ATXN7L1: variants seen among roughly 807,000 people sequenced by gnomAD.
The protein encoded by ATXN7L1 is ataxin 7 like 1, also known as ataxin-7-like protein 1.
ATXN7L1 carries 15 observed loss-of-function variants against 70.8 expected under a neutral mutation model. That is an observed-to-expected ratio of 0.21 (90% CI 0.14 to 0.33). The LOEUF is 0.33. Among genes scored for constraint, ATXN7L1 ranks in the 10% least tolerant of loss-of-function variants. The pLI, the probability that ATXN7L1 is intolerant of heterozygous loss-of-function variation, is 1.00. For missense variants in ATXN7L1, 975 were observed against 1,097.1 expected (o/e 0.89, Z 1.57); for synonymous variants, 440 against 445.1 (o/e 0.99, Z 0.14).
At chr7:105,769,969 C>A (rs1010613560) in intron 3 of ATXN7L1, among the ~76,000 whole-genome samples, 1 of 152,174 alleles carries the variant, frequency 6.6e-6, no homozygotes, top group Non-Finnish European at 1.5e-5. Flanking sequence ...TCGTGGCATT[C>A]GGCGTAAAAC....
At chr7:105,733,525 T>TCCGTCCTTCCATCCAC (rs1563048452) in intron 3 of ATXN7L1, among the ~76,000 whole-genome samples, 4 of 114,294 alleles carry the variant, frequency 3.5e-5, no homozygotes, top group African/African-American at 1.5e-4. Flanking sequence ...CACCCATCCA[T>TCCGTCCTTCCATCCAC]CCATCCATCC....
chr7:105,608,014 T>C lies in ATXN7L1; in HGVS notation c.2548-124A>G, dbSNP rs1033439302. ...AAAGGACAATATCCCACCTCCCATA[T>C]CCAGCAAAGGGCAGCTGGAATAGCA... On this transcript the variant is annotated intron_variant, in intron 11 of 11. Transcript: ENST00000419735. 8 of 865,192 alleles carry C rather than the reference T, an allele frequency of 9.2e-6. No individual in the cohort carries two copies. In the African/African-American group the frequency reaches 1.2e-4, roughly 13 times the overall value. 53.6% of individuals were successfully genotyped at this position (865,192 alleles called of 1,614,324 possible). A position where few individuals can be genotyped will look rare whatever the true frequency, so the allele number is the denominator to read the frequency against.
chr7:105,626,343 T>A (rs1043215872), intron 7 of ATXN7L1, among the ~76,000 whole-genome samples: 13 of 152,186 alleles, frequency 8.5e-5, no homozygotes, highest in Non-Finnish European at 1.6e-4. Context: ...ACAAGAGTTA[T>A]CAGGAGTTGG....
At chr7:105,620,137 G>A in intron 9 of ATXN7L1, 63 bp downstream of exon 9, 2 of 1,532,508 alleles carry the variant, frequency 1.3e-6, no homozygotes, top group East Asian at 4.9e-5. Flanking sequence ...TATTTAGAAA[G>A]TTAAGTTTCA....
chr7:105,875,627 A>ACCCCCCC (rs3835024), intron 2 of ATXN7L1, among the ~76,000 whole-genome samples, 185 bp downstream of exon 2: 2 of 94,774 alleles, frequency 2.1e-5, no homozygotes, highest in East Asian at 4.4e-4. Context: ...ACCCCCCTTT[A>ACCCCCCC]CCCCCCCCCC....
chr7:105,754,102 G>A (rs898710513), intron 3 of ATXN7L1, among the ~76,000 whole-genome samples: 2 of 152,152 alleles, frequency 1.3e-5, no homozygotes, highest in Non-Finnish European at 2.9e-5. Context: ...GACCCAAAAC[G>A]TGCTGTGCAA....
chr7:105,638,906 T>G (rs779456558), intron 6 of ATXN7L1, among the ~76,000 whole-genome samples: 6 of 152,236 alleles, frequency 3.9e-5, no homozygotes, highest in Non-Finnish European at 5.9e-5. Context: ...TGCGAGGGAA[T>G]GCTAGAGTTA....
At chr7:105,745,384 T>C (rs1216930766) in intron 3 of ATXN7L1, among the ~76,000 whole-genome samples, 1 of 152,224 alleles carries the variant, frequency 6.6e-6, no homozygotes, top group Admixed American at 6.5e-5. Flanking sequence ...TTCCTCTTTC[T>C]CTTTTAACAT....
chr7:105,730,830 AAAACTAAGGAAATCTGAAT>A (rs1467818672), intron 3 of ATXN7L1, among the ~76,000 whole-genome samples: 2 of 152,230 alleles, frequency 1.3e-5, no homozygotes, highest in Non-Finnish European at 2.9e-5. Context: ...GCTATCGTGC[AAAACTAAGGAAATCTGAAT>A]AAACTACGGA....
At chr7:105,675,017 T>C (rs1023291673) in intron 3 of ATXN7L1, among the ~76,000 whole-genome samples, 2 of 152,130 alleles carry the variant, frequency 1.3e-5, no homozygotes, top group Non-Finnish European at 1.5e-5. Context: ...AGCAACCTGG[T>C]GATAATAACA....
chr7:105,875,706 A>G (rs1219294592), intron 2 of ATXN7L1, 106 bp downstream of exon 2: 2 of 1,014,160 alleles, frequency 2.0e-6, no homozygotes, highest in Non-Finnish European at 2.8e-6. Context: ...AATTTTTGAC[A>G]AGCCTTAGTC....
intron 2 of ATXN7L1, chr7:105,820,126 CAAA>C (rs562797891): frequency 1.1e-4 from 7 of 64,288 alleles, no homozygotes; most frequent in Admixed American, 1.7e-4. Flanking sequence ...GTTTATTCCT[CAAA>C]AAAAAAAAAA....
chr7:105,864,104 TA>T (rs1018787064), intron 2 of ATXN7L1, among the ~76,000 whole-genome samples: 1 of 152,036 alleles, frequency 6.6e-6, no homozygotes, highest in Non-Finnish European at 1.5e-5. Flanking sequence ...TCTCAACCAA[TA>T]AACAGTAGTT....
intron 3 of ATXN7L1, among the ~76,000 whole-genome samples, chr7:105,683,584 C>T (rs925603980): frequency 6.6e-6 from 1 of 152,088 alleles, no homozygotes; most frequent in African/African-American, 2.4e-5. Flanking sequence ...GAGGCTGAGG[C>T]AGAATCGCTT....
At chr7:105,871,975 T>C (rs1275615640) in intron 2 of ATXN7L1, among the ~76,000 whole-genome samples, 2 of 151,938 alleles carry the variant, frequency 1.3e-5, no homozygotes, top group Non-Finnish European at 2.9e-5. Flanking sequence ...TGTGGCCAGA[T>C]AGAGGTAGAA....
At chr7:105,788,799 T>G (rs1804698614) in intron 2 of ATXN7L1, 91 bp from the exon 3 acceptor site, 2 of 1,047,152 alleles carry the variant, frequency 1.9e-6, no homozygotes, top group East Asian at 2.5e-5. Flanking sequence ...TCAAGGACAG[T>G]TTTTCAAACA....
rs140844745 is a variant in ATXN7L1, at chr7:105,738,816, T to C, written c.355+49788A>G. On this transcript the variant is annotated intron_variant, in intron 3 of 11. Coordinates refer to ENST00000419735, the MANE Select transcript of ATXN7L1 (RefSeq NM_020725.2). Reference sequence around the variant, plus strand: ...GAAAGGCTGTGGGTCTGGTGCACCTTTGCATCCCATCCAGTTGGATGTGCC... The same window carrying C: ...GAAAGGCTGTGGGTCTGGTGCACCTCTGCATCCCATCCAGTTGGATGTGCC... Among the ~76,000 whole-genome samples the C allele has an allele frequency of 6.6e-4, 101 of 152,332 alleles. 2 individuals carry two copies. In the East Asian group the frequency reaches 0.013, roughly 19 times the overall value.
At chr7:105,819,681 A>AC (rs1237821165) in intron 2 of ATXN7L1, 3 of 939,408 alleles carry the variant, frequency 3.2e-6, no homozygotes, top group African/African-American at 3.3e-5. Flanking sequence ...GCAGATGAAC[A>AC]CCAACCCTTC....
intron 9 of ATXN7L1, among the ~76,000 whole-genome samples, chr7:105,619,140 G>GTTTTGTTTTTTTTTT (rs1794382228): frequency 4.0e-5 from 2 of 49,846 alleles, no homozygotes; most frequent in Non-Finnish European, 6.6e-5. Flanking sequence ...GAAATCTTTA[G>GTTTTGTTTTTTTTTT]TTTTTTTTTT....
Sources: allele counts gnomAD v4.1 joint callset (sites outside exome capture counted in the v4.1 genomes callset), GRCh38; gene constraint gnomAD v4.1.1; transcripts MANE v1.5; gene names NCBI Gene and HGNC (gene_info 2026-07-23, HGNC 2026-07-21).